PCSK5: variants seen among roughly 807,000 people sequenced by gnomAD.
The protein encoded by PCSK5 is proprotein convertase subtilisin/kexin type 5, also known as prohormone convertase 5.
A neutral mutation model predicts 233.2 loss-of-function variants in PCSK5; 129 were observed. That is an observed-to-expected ratio of 0.55 (90% CI 0.48 to 0.64). The LOEUF is 0.64. Among genes scored for constraint, PCSK5 ranks in the 30% least tolerant of loss-of-function variants. The pLI is 0.00. For synonymous variants in PCSK5, 825 were observed against 879.2 expected (o/e 0.94, Z 1.09); for missense variants, 2,076 against 2,430.1 (o/e 0.85, Z 3.06).
At position 76,173,495 on chromosome 9, in the gene PCSK5, C is replaced by CTTTTTTTTTTT. The variant is rs1587715951; in HGVS notation, c.1757-1491_1757-1490insTTTTTTTTTTT. 2.5e-3 allele frequency among the ~76,000 whole-genome samples: 85 copies of CTTTTTTTTTTT among 34,590 alleles called. 5 individuals are homozygous for CTTTTTTTTTTT. Among genetic ancestry groups the CTTTTTTTTTTT allele is most frequent in the East Asian group, 9.7e-3 (11 of 1,130 alleles). The allele number at this position is 34,590 out of a possible 152,430, so 22.7% of individuals were successfully genotyped here. On this transcript the variant is annotated intron_variant, in intron 13 of 37. Coordinates refer to ENST00000674117, the MANE Select transcript of PCSK5 (RefSeq NM_001372043.1). ...ACTTTAATGAAATGGAGGCACGTTT[C>CTTTTTTTTTTT]CTTTTTTTTTTTTTTTTTTTTTTTT...
In PCSK5 at chr9:75,924,255, C is replaced by G. The variant is rs184167629; in HGVS notation, c.193-8124C>G. Among the ~76,000 whole-genome samples, 7 of 152,120 alleles carry G rather than the reference C, an allele frequency of 4.6e-5. No homozygotes were observed. The East Asian group carries it at 1.4e-3, about 29-fold the overall frequency. ...TAGTGATTTTGCTCTGAGTTCATGC[C>G]CTCTAATGCCATTCTCTGAAGAGCT... On this transcript the variant is annotated intron_variant, in intron 1 of 37. Transcript: ENST00000674117.
intron 24 of PCSK5, among the ~76,000 whole-genome samples, chr9:76,254,321 T>A (rs1826908299): frequency 6.6e-6 from 1 of 152,208 alleles, no homozygotes; most frequent in Admixed American, 6.5e-5. Context: ...TTTCACATTG[T>A]GTGTTTGTAC....
Position 75,894,765 on chromosome 9 carries a change from C to T in PCSK5, c.192+3392C>T, listed in dbSNP as rs76610463. ...AGGTGTGCATGCCTATTGACCTGCA[C>T]GGGAATAGAGGGAGAAGCCTTTGTC... On this transcript the variant is annotated intron_variant, in intron 1 of 37. Transcript: ENST00000674117. 5.9e-5 allele frequency among the ~76,000 whole-genome samples: 9 copies of T among 152,124 alleles called. No individual in the cohort carries two copies. The East Asian group carries it at 9.7e-4, about 16-fold the overall frequency.
Position 76,096,113 on chromosome 9 carries a change from T to C in PCSK5, c.1107+11T>C. ...TACGATAAGAAAATCGTACGTGACA[T>C]GTGCATGCCCATCATGATCTGTTTA... On this transcript the variant is annotated intron_variant, in intron 8 of 37. Transcript: ENST00000674117. 1.3e-6 allele frequency: 2 copies of C among 1,581,822 alleles called. No homozygotes were observed. The highest frequency in any genetic ancestry group is 1.7e-6 in the Non-Finnish European group (2 of 1,150,992).
At chr9:76,331,606 G>A (rs958537535) in intron 33 of PCSK5, among the ~76,000 whole-genome samples, 5 of 151,058 alleles carry the variant, frequency 3.3e-5, no homozygotes, top group African/African-American at 1.2e-4. Context: ...GGTGGAGCTT[G>A]CAGTGAGCCA....
intron 33 of PCSK5, among the ~76,000 whole-genome samples, chr9:76,330,987 C>A (rs1829517076): frequency 6.6e-6 from 1 of 152,120 alleles, no homozygotes; most frequent in South Asian, 2.1e-4. Context: ...CTTGCCTCCA[C>A]AAAGTGGTCT....
At chr9:76,233,412 C>T in intron 21 of PCSK5, 48 bp from the exon 22 acceptor site, 1 of 1,603,128 alleles carries the variant, frequency 6.2e-7, no homozygotes, top group East Asian at 2.2e-5. Flanking sequence ...CTTAGGGCCA[C>T]TCTGGAAAGT....
In PCSK5 at chr9:76,351,525, AAAGAAAGG is replaced by A. The variant is rs1377217899; in HGVS notation, c.5067+601_5067+608del. 3.4e-3 allele frequency among the ~76,000 whole-genome samples: 416 copies of A among 123,560 alleles called. 97 individuals carry two copies. The highest frequency in any genetic ancestry group is 1.0e-2 in the African/African-American group (334 of 33,470). 81.1% of individuals were successfully genotyped at this position (123,560 alleles called of 152,430 possible). ...GAAAGAAAGAAAGAAAGAAAGAAAG[AAAGAAAGG>A]AAGGAAAGAAAGAGAAAGAAGAGAG... On this transcript the variant is annotated intron_variant, in intron 36 of 37. Transcript: ENST00000674117.
intron 10 of PCSK5, among the ~76,000 whole-genome samples, chr9:76,140,665 G>A (rs1050340013): frequency 1.1e-4 from 17 of 151,910 alleles, no homozygotes; most frequent in Admixed American, 2.6e-4. Flanking sequence ...ATCATTAATC[G>A]TGTATCAATG....
intron 5 of PCSK5, among the ~76,000 whole-genome samples, chr9:76,030,478 CAAT>C (rs1009449758): frequency 6.6e-6 from 1 of 152,116 alleles, no homozygotes; most frequent in Non-Finnish European, 1.5e-5. Context: ...CTGTGACACA[CAAT>C]AATCCAACAT....
intron 8 of PCSK5, among the ~76,000 whole-genome samples, chr9:76,101,495 C>G (rs1286181558): frequency 6.6e-6 from 1 of 152,212 alleles, no homozygotes; most frequent in African/African-American, 2.4e-5. Context: ...CTCTCAAGTT[C>G]TGTTTTATAA....
chr9:76,009,410 C>T (rs60088318), intron 3 of PCSK5, among the ~76,000 whole-genome samples: 2,500 of 151,878 alleles, frequency 0.016, 74 homozygotes, highest in African/African-American at 0.057. Flanking sequence ...GGGTGGATCA[C>T]GAGGTCAGGA....
At chr9:76,332,701 A>G in intron 34 of PCSK5, 91 bp downstream of exon 34, 1 of 950,526 alleles carries the variant, frequency 1.1e-6, no homozygotes, top group South Asian at 1.7e-5. Flanking sequence ...GATTCAGAAC[A>G]CTTATAAAAC....
intron 13 of PCSK5, among the ~76,000 whole-genome samples, chr9:76,173,699 G>A (rs1349298358): frequency 6.6e-6 from 1 of 151,818 alleles, no homozygotes; most frequent in African/African-American, 2.4e-5. Flanking sequence ...TGGGCCAAGT[G>A]TGGTGGCTCA....
intron 16 of PCSK5, among the ~76,000 whole-genome samples, chr9:76,183,182 G>A (rs1823949186): frequency 6.6e-6 from 1 of 152,196 alleles, no homozygotes; most frequent in Non-Finnish European, 1.5e-5. Context: ...ATTTGATTCT[G>A]GAATGTTGTA....
At chr9:75,987,844 C>A (rs1351404454) in intron 3 of PCSK5, among the ~76,000 whole-genome samples, 1 of 152,126 alleles carries the variant, frequency 6.6e-6, no homozygotes, top group Non-Finnish European at 1.5e-5. Context: ...AGCAAAGCTG[C>A]CTCTACACCC....
At chr9:76,301,585 G>A (rs959455573) in intron 27 of PCSK5, among the ~76,000 whole-genome samples, 3 of 152,234 alleles carry the variant, frequency 2.0e-5, no homozygotes, top group African/African-American at 2.4e-5. Flanking sequence ...GCTCATGCCT[G>A]TAATCCCAGC....
chr9:75,959,156 G>A (rs1279763080), intron 2 of PCSK5, among the ~76,000 whole-genome samples: 1 of 152,192 alleles, frequency 6.6e-6, no homozygotes, highest in Non-Finnish European at 1.5e-5. Flanking sequence ...ATTGAATCTA[G>A]AATATCTTTC....
chr9:75,963,509 G>A (rs1825444699), intron 2 of PCSK5, among the ~76,000 whole-genome samples: 1 of 152,212 alleles, frequency 6.6e-6, no homozygotes, highest in Non-Finnish European at 1.5e-5. Flanking sequence ...ACTTAAAGAG[G>A]TGTAGACTTC....
Sources: allele counts gnomAD v4.1 joint callset (sites outside exome capture counted in the v4.1 genomes callset), GRCh38; gene constraint gnomAD v4.1.1; transcripts MANE v1.5; gene names NCBI Gene and HGNC (gene_info 2026-07-23, HGNC 2026-07-21).